The following DPP9 variants were observed in gnomAD, a reference collection of about 807,000 sequenced individuals.
DPP9 encodes dipeptidyl peptidase IV-related protein-2.
In DPP9, 50 loss-of-function variants were observed where a neutral mutation model predicts 110.7. The ratio of observed to expected loss-of-function variants is 0.45; its 90% CI spans 0.36 to 0.57. The LOEUF (loss-of-function observed/expected upper bound fraction) is 0.57, where lower values mean the gene tolerates loss of function less well. Among genes scored for constraint, DPP9 ranks in the 20% least tolerant of loss-of-function variants. DPP9 has a pLI of 0.00. For missense variants in DPP9, 1,022 were observed against 1,217.9 expected, an observed-to-expected ratio of 0.84 and a Z score of 2.39; for synonymous variants, 561 against 514.4, an observed-to-expected ratio of 1.09 and a Z score of -1.23.
rs1274245593 is a variant in DPP9 at position 4,723,695 on chromosome 19, G to C, written c.-110C>G. 6.4e-6 allele frequency: 1 copy of C among 156,020 alleles called. No individual in the cohort carries two copies. Among genetic ancestry groups the C allele is most frequent in the Non-Finnish European group, 1.4e-5 (1 of 70,366 alleles). 9.7% of individuals were successfully genotyped at this position (156,020 alleles called of 1,614,324 possible). A position where few individuals can be genotyped will look rare whatever the true frequency, so the allele number is the denominator to read the frequency against. ...TCACCGGGACGTGGGGCGGCGGCCG[G>C]ACTGGGCAGGTCGTCCCGGGTCCAG... On this transcript the variant is annotated 5_prime_UTR_variant, in exon 1 of 22. Transcript: ENST00000262960.
rs367776292 is a variant in DPP9, at chr19:4,685,762, G to C, written c.1895C>G (p.Pro632Arg). The change falls in exon 17 of 22, where the codon CCG becomes CGG. Residue 632 changes from proline to arginine, a missense_variant. This residue lies in a region of DPP9 where 810 missense variants were observed against 920.6 expected (regional missense o/e 0.88). Coordinates refer to ENST00000262960, the MANE Select transcript of DPP9 (RefSeq NM_139159.5). The surrounding 1 kb of genome is among the most constrained non-coding windows in gnomAD (Gnocchi z 5.8). ...GAAGATCTCTGGAGGAACATAATCC[G>C]GGGGGCAGCCTGCGGGAGACAGGGC... The part of the protein sequence containing the change: ...ASMMEAASCP[P>R]DYVPPEIFHF... 4 of 1,612,654 alleles carry C rather than the reference G, an allele frequency of 2.5e-6. No individual in the cohort carries two copies. Among genetic ancestry groups the C allele is most frequent in the Middle Eastern group, 1.7e-4 (1 of 6,044 alleles).
At chr19:4,692,561 G>T (rs1477522510) in intron 13 of DPP9, among the ~76,000 whole-genome samples, 1 of 152,156 alleles carries the variant, frequency 6.6e-6, no homozygotes, top group Non-Finnish European at 1.5e-5. Flanking sequence ...GATGCATGGT[G>T]TGTGCTGGGG....
At position 4,690,960 on chromosome 19, in the gene DPP9, GGAAA is replaced by G. The variant is rs779618694; in HGVS notation, c.1517-7_1517-4del. 4.0e-5 allele frequency: 64 copies of G among 1,610,760 alleles called. No individual in the cohort carries two copies. The highest frequency in any genetic ancestry group is 5.0e-5 in the Non-Finnish European group (59 of 1,178,552). ...CTTAATGGGGCACTTAAATTCATCT[GGAAA>G]GAAAGAAAGAAGGGAGGTGAAGGGG... On this transcript the variant is annotated splice_region_variant and splice_polypyrimidine_tract_variant and intron_variant, in intron 13 of 21. Transcript: ENST00000262960.
In DPP9 at chr19:4,694,071, A is replaced by G. The variant is rs2091570050; in HGVS notation, c.1516+590T>C. Reference sequence around the variant, plus strand: ...GACTGCATTTCCTTCCACCACGCACATCACACCAGAGGCAGCACCTCTAAC... The same window carrying G: ...GACTGCATTTCCTTCCACCACGCACGTCACACCAGAGGCAGCACCTCTAAC... On this transcript the variant is annotated intron_variant, in intron 13 of 21. Coordinates refer to ENST00000262960, the MANE Select transcript of DPP9 (RefSeq NM_139159.5). The surrounding 1 kb of genome is among the most constrained non-coding windows in gnomAD (Gnocchi z 4.0). Among the ~76,000 whole-genome samples the G allele has an allele frequency of 6.6e-6, 1 of 152,108 alleles. No homozygotes were observed. Among genetic ancestry groups the G allele is most frequent in the African/African-American group, 2.4e-5 (1 of 41,428 alleles).
rs544570556 is a variant in DPP9 at position 4,702,682 on chromosome 19, C to T, written c.804G>A (p.Ala268=). The stretch of plus-strand genomic sequence containing the variant: ...CCTGTATGACGAAGGTGGCCACACC[C>T]GCAGACTTGGGGTCATCCAGGACAT... ...LSNVLDDPKS[A]GVATFVIQEE... The change falls in exon 8 of 22, where the codon GCG becomes GCA. Residue 268 remains alanine, a synonymous_variant. Coordinates refer to ENST00000262960, the MANE Select transcript of DPP9 (RefSeq NM_139159.5). 11 of 1,600,358 alleles carry T rather than the reference C, an allele frequency of 6.9e-6. No individual in the cohort carries two copies. The African/African-American group carries it at 8.1e-5, about 12-fold the overall frequency.
At chr19:4,690,048 C>CG (rs1253937265) in intron 14 of DPP9, among the ~76,000 whole-genome samples, 3 of 152,172 alleles carry the variant, frequency 2.0e-5, no homozygotes, top group Non-Finnish European at 2.9e-5. Flanking sequence ...GGGAGGGCAC[C>CG]GTGCCCGAAA....
Position 4,688,648 on chromosome 19 carries a change from C to T in DPP9, c.1885+109G>A, listed in dbSNP as rs552144441. 9 of 1,298,282 alleles carry T rather than the reference C, an allele frequency of 6.9e-6. No individual in the cohort carries two copies. In the African/African-American group the frequency reaches 1.4e-4, roughly 20 times the overall value. 80.4% of individuals were successfully genotyped at this position (1,298,282 alleles called of 1,614,324 possible). A position where few individuals can be genotyped will look rare whatever the true frequency, so the allele number is the denominator to read the frequency against. On this transcript the variant is annotated intron_variant, in intron 16 of 21. Transcript: ENST00000262960. ...GAGGGGCCTGGGTGCTGTGGGAGGC[C>T]AGGCAGGCCAGCTCCAGGCCTCTGC...
At chr19:4,681,892 A>G (rs1303775903) in intron 20 of DPP9, among the ~76,000 whole-genome samples, 2 of 132,692 alleles carry the variant, frequency 1.5e-5, no homozygotes, top group East Asian at 4.4e-4. Context: ...TGTCGCCCAG[A>G]CTGTAGTGCA....
chr19:4,707,614 CTTTTTTTTTTTTTT>C lies in DPP9; in HGVS notation c.314-1658_314-1645del, dbSNP rs906371157. ...TCTTTTCAGGACCTCCTCATACTCG[CTTTTTTTTTTTTTT>C]TTTTTTTTTTTTTCTGAGACACAGT... On this transcript the variant is annotated intron_variant, in intron 4 of 21. Coordinates refer to ENST00000262960, the MANE Select transcript of DPP9 (RefSeq NM_139159.5). 2.8e-4 allele frequency among the ~76,000 whole-genome samples: 22 copies of C among 78,410 alleles called. 1 individual carries two copies. The highest frequency in any genetic ancestry group is 1.2e-3 in the African/African-American group (20 of 16,466). The allele number at this position is 78,410 out of a possible 152,430, so 51.4% of individuals were successfully genotyped here.
At chr19:4,709,284 G>A (rs2092724690) in intron 4 of DPP9, among the ~76,000 whole-genome samples, 1 of 152,108 alleles carries the variant, frequency 6.6e-6, no homozygotes, top group Non-Finnish European at 1.5e-5. Flanking sequence ...AGGAACACAG[G>A]TTTCCCACGC....
chr19:4,705,755 G>T, intron 5 of DPP9, 103 bp downstream of exon 5: 1 of 1,121,956 alleles, frequency 8.9e-7, no homozygotes, highest in Non-Finnish European at 1.3e-6. Flanking sequence ...GGAACTCACA[G>T]CCGGTGGGGC....
Position 4,700,996 on chromosome 19 carries a change from C to T in DPP9, c.1013-719G>A, listed in dbSNP as rs190505252. ...CATTTGCAGTGGGAGTTGGAAAGAC[C>T]GTACAGGAAGCTTCCATCTAGCACG... On this transcript the variant is annotated intron_variant, in intron 9 of 21. Transcript: ENST00000262960. This position sits in a 1 kb window ranked among gnomAD's most constrained non-coding sequence, Gnocchi z 4.3. Among the ~76,000 whole-genome samples, 68 of 152,258 alleles carry T rather than the reference C, an allele frequency of 4.5e-4. No homozygotes were observed. The highest frequency in any genetic ancestry group is 9.1e-4 in the Non-Finnish European group (62 of 68,018).
chr19:4,706,090 G>A lies in DPP9; in HGVS notation c.314-120C>T, dbSNP rs542850323. The A allele has an allele frequency of 5.5e-5, 45 of 821,792 alleles. No individual in the cohort carries two copies. In the Middle Eastern group the frequency reaches 8.2e-4, roughly 15 times the overall value. 50.9% of individuals were successfully genotyped at this position (821,792 alleles called of 1,614,324 possible). ...TTCTAGAACATTCTGCCAGGCCGCC[G>A]GCGGGACAGCCCTCCCCGGAAAGCT... On this transcript the variant is annotated intron_variant, in intron 4 of 21. Transcript: ENST00000262960.
rs2092966484 is a variant in DPP9, at chr19:4,714,157, G to A, written c.237C>T (p.Asn79=). 1 of 1,613,030 alleles carries A rather than the reference G, an allele frequency of 6.2e-7. No homozygotes were observed. Among genetic ancestry groups the A allele is most frequent in the Non-Finnish European group, 8.5e-7 (1 of 1,179,566 alleles). ...CAAACTGGAAGTCGTGGGGCGCCTT[G>A]TTGACAATGAGGCCCGAGTACTTGC... ...GSRKYSGLIV[N]KAPHDFQFVQ... The change falls in exon 4 of 22, where the codon AAC becomes AAT. Residue 79 remains asparagine, a synonymous_variant. Coordinates refer to ENST00000262960, the MANE Select transcript of DPP9 (RefSeq NM_139159.5).
intron 3 of DPP9, 23 bp from the exon 4 acceptor site, chr19:4,714,360 A>G: frequency 1.4e-6 from 2 of 1,468,140 alleles, no homozygotes; most frequent in South Asian, 1.3e-5. Flanking sequence ...AGCAAAGACT[A>G]TGAGAAAGGA....
rs2090082238 is a variant in DPP9, at chr19:4,682,758, C to T, written c.2412G>A (p.Glu804=). 6.2e-7 allele frequency: 1 copy of T among 1,607,346 alleles called. No individual in the cohort carries two copies. The highest frequency in any genetic ancestry group is 8.5e-7 in the Non-Finnish European group (1 of 1,177,174). ...GYTERYMDVP[E]NNQHGYEAGS... is the part of the protein sequence containing the mutation. ...CCGCCTCATAGCCGTGCTGGTTGTT[C>T]TCAGGGACGTCCATGTAGCGCTCAG... Residue 804 remains glutamate, a synonymous_variant, in exon 20 of 22, where the codon GAG becomes GAA. Coordinates refer to ENST00000262960, the MANE Select transcript of DPP9 (RefSeq NM_139159.5). This position sits in a 1 kb window ranked among gnomAD's most constrained non-coding sequence, Gnocchi z 7.1.
chr19:4,721,713 G>A (rs906229565), intron 2 of DPP9, among the ~76,000 whole-genome samples: 8 of 152,184 alleles, frequency 5.3e-5, no homozygotes, highest in South Asian at 4.1e-4. Flanking sequence ...CTCAGAAGGC[G>A]GAGGTTGCAG....
At chr19:4,677,419 C>T (rs1295123995) in intron 21 of DPP9, among the ~76,000 whole-genome samples, 1 of 152,160 alleles carries the variant, frequency 6.6e-6, no homozygotes, top group Non-Finnish European at 1.5e-5. Flanking sequence ...GGCCCATCTA[C>T]GCCACCTCCT....
chr19:4,689,556 C>T lies in DPP9; in HGVS notation c.1749+14G>A. ...ACGGGCACAGGGCGGTGCCGTGAGGCTGGGCGGTCCCACCTGGCTCATGGA... is the reference window on the plus strand; with the variant it reads ...ACGGGCACAGGGCGGTGCCGTGAGGTTGGGCGGTCCCACCTGGCTCATGGA... On this transcript the variant is annotated intron_variant, in intron 15 of 21. Coordinates refer to ENST00000262960, the MANE Select transcript of DPP9 (RefSeq NM_139159.5). The surrounding 1 kb of genome is among the most constrained non-coding windows in gnomAD (Gnocchi z 7.0). 1 of 1,550,390 alleles carries T rather than the reference C, an allele frequency of 6.4e-7. No homozygotes were observed. Among genetic ancestry groups the T allele is most frequent in the Non-Finnish European group, 8.7e-7 (1 of 1,151,340 alleles).
Sources: gnomAD v4.1 joint callset for allele counts (sites outside exome capture counted in the v4.1 genomes callset) on GRCh38, gnomAD v4.1.1 for gene constraint, gnomAD v4.1.1 regional missense constraint, Gnocchi (gnomAD v3.1) non-coding constraint, MANE v1.5 for transcripts, NCBI Gene and HGNC (gene_info 2026-07-23, HGNC 2026-07-21) for gene names.